The following ADD2 variants were observed in gnomAD, a reference collection of about 807,000 sequenced individuals.
ADD2 encodes the protein adducin 2.
ADD2 carries 23 observed loss-of-function variants against 83.0 expected under a neutral mutation model. The observed-to-expected ratio is 0.28, with a 90% CI of 0.20 to 0.39. ADD2 has a LOEUF of 0.39. Among genes scored for constraint, ADD2 ranks in the 10% least tolerant of loss-of-function variants. ADD2 has a pLI of 1.00. For synonymous variants in ADD2, 375 were observed against 375.4 expected (o/e 1.00, Z 0.01); for missense variants, 758 against 944.9 (o/e 0.80, Z 2.59).
intron 14 of ADD2, among the ~76,000 whole-genome samples, chr2:70,673,730 G>A (rs1670007082): frequency 6.6e-6 from 1 of 152,172 alleles, no homozygotes; most frequent in Middle Eastern, 3.2e-3. Flanking sequence ...CTGAGTATCT[G>A]AGATTTTTGG....
chr2:70,743,399 C>T (rs782683801), intron 1 of ADD2, among the ~76,000 whole-genome samples: 2 of 152,180 alleles, frequency 1.3e-5, no homozygotes, highest in Non-Finnish European at 2.9e-5. Context: ...CACCTCTGGT[C>T]GAAAGGAAAA....
At chr2:70,704,263 T>TTGGGGC in intron 4 of ADD2, 58 bp downstream of exon 4, 1 of 913,238 alleles carries the variant, frequency 1.1e-6, no homozygotes. Flanking sequence ...CTCCCTCTCT[T>TTGGGGC]CCCCACCCCA....
Position 70,706,361 on chromosome 2 carries a change from C to G in ADD2, c.48G>C (p.Gln16His). The change falls in exon 3 of 16, where the codon CAG becomes CAC. Residue 16 changes from glutamine (Q) to histidine (H), a missense_variant. Around this residue, in one of 5 missense-constraint regions of ADD2, gnomAD observed 175 missense variants for 192.1 expected, o/e 0.91. Transcript: ENST00000264436. The surrounding 1 kb of genome is among the most constrained non-coding windows in gnomAD (Gnocchi z 5.0). ...VPEAASPPPP[Q>H]GQPYFDRFSE... The stretch of plus-strand genomic sequence containing the variant: ...AGAAGCGGTCAAAGTAAGGCTGCCC[C>G]TGCGGGGGCGGCGGCGAGGCAGCCT... The G allele has an allele frequency of 2.5e-6, 4 of 1,612,544 alleles. No homozygotes were observed. The highest frequency in any genetic ancestry group is 3.4e-6 in the Non-Finnish European group (4 of 1,179,140).
chr2:70,766,556 T>C (rs1227494351), intron 1 of ADD2, among the ~76,000 whole-genome samples: 1 of 152,248 alleles, frequency 6.6e-6, no homozygotes, highest in Non-Finnish European at 1.5e-5. Flanking sequence ...AATGCTGACT[T>C]GCTATTTTTC....
At chr2:70,698,640 T>C (rs1574258875) in intron 4 of ADD2, among the ~76,000 whole-genome samples, 1 of 152,172 alleles carries the variant, frequency 6.6e-6, no homozygotes, top group African/African-American at 2.4e-5. Context: ...GATTTGATCA[T>C]TATATTATTA....
At chr2:70,665,502 C>T (rs904490960) in intron 15 of ADD2, among the ~76,000 whole-genome samples, 5 of 152,180 alleles carry the variant, frequency 3.3e-5, no homozygotes, top group African/African-American at 4.8e-5. Context: ...TCTTGAGTGC[C>T]ATAAACCAGG....
At chr2:70,762,176 A>G (rs1675146238) in intron 1 of ADD2, among the ~76,000 whole-genome samples, 2 of 152,062 alleles carry the variant, frequency 1.3e-5, no homozygotes, top group East Asian at 3.9e-4. Context: ...TTGAGTCACA[A>G]TTGGATTAAA....
intron 15 of ADD2, among the ~76,000 whole-genome samples, chr2:70,672,650 C>A (rs1279107919): frequency 6.6e-6 from 1 of 152,174 alleles, no homozygotes; most frequent in Non-Finnish European, 1.5e-5. Flanking sequence ...CGGGGGCCAG[C>A]CAGTAACTTA....
intron 1 of ADD2, chr2:70,760,519 A>G (rs1222657408): frequency 6.6e-6 from 1 of 152,254 alleles, no homozygotes; most frequent in Admixed American, 6.5e-5. Context: ...AATTTTTTAA[A>G]GTTTCAGAGA....
chr2:70,722,250 T>G (rs544983020), intron 1 of ADD2, among the ~76,000 whole-genome samples: 21 of 152,232 alleles, frequency 1.4e-4, no homozygotes, highest in Non-Finnish European at 2.6e-4. Context: ...GACTGTATTC[T>G]TCAATTCTAA....
chr2:70,756,340 T>C (rs1202693246), intron 1 of ADD2, among the ~76,000 whole-genome samples: 2 of 152,142 alleles, frequency 1.3e-5, no homozygotes, highest in Non-Finnish European at 2.9e-5. Flanking sequence ...AGCCCTACTA[T>C]GGTGGTGTTG....
intron 11 of ADD2, 151 bp from the exon 12 acceptor site, chr2:70,678,028 G>A (rs1670264837): frequency 3.8e-6 from 4 of 1,059,532 alleles, no homozygotes; most frequent in Admixed American, 4.9e-5. Flanking sequence ...CCTCTTTGAT[G>A]TCTGTCTCCA....
Position 70,690,790 on chromosome 2 carries a change from C to A in ADD2, c.845G>T (p.Cys282Phe), listed in dbSNP as rs533266713. 15 of 1,611,736 alleles carry A rather than the reference C, an allele frequency of 9.3e-6. No individual in the cohort carries two copies. The highest frequency in any genetic ancestry group is 5.3e-5 in the African/African-American group (4 of 74,958). The change falls in exon 8 of 16, where the codon TGC becomes TTC. Residue 282 changes from cysteine (C) to phenylalanine (F), a missense_variant. By Grantham distance (205) the Cys-to-Phe change is radical. This residue lies in a region of ADD2 where 394 missense variants were observed against 509.3 expected (regional missense o/e 0.77). Coordinates refer to ENST00000264436, the MANE Select transcript of ADD2 (RefSeq NM_001617.4). The part of the protein sequence containing the change: ...INLQKCLGPT[C>F]KILVLRNHGV... ...TCCCAGAAGAGCTAAGCTAACCTTG[C>A]AGGTGGGTCCAAGGCACTTCTGCAG... is the stretch of plus-strand genomic sequence containing the variant.
intron 4 of ADD2, among the ~76,000 whole-genome samples, chr2:70,697,437 G>A (rs1337680795): frequency 6.6e-6 from 1 of 152,174 alleles, no homozygotes; most frequent in Non-Finnish European, 1.5e-5. Flanking sequence ...AGTCTATCCC[G>A]TTAACCATGA....
intron 4 of ADD2, among the ~76,000 whole-genome samples, chr2:70,699,276 T>A (rs1671465014): frequency 6.6e-6 from 1 of 152,148 alleles, no homozygotes; most frequent in African/African-American, 2.4e-5. Flanking sequence ...GAGTACTCAC[T>A]GATTATGGGG....
intron 1 of ADD2, among the ~76,000 whole-genome samples, chr2:70,728,325 C>T (rs1008427927): frequency 3.3e-5 from 5 of 152,172 alleles, no homozygotes; most frequent in African/African-American, 9.7e-5. Flanking sequence ...GTGACAGAGT[C>T]GGGAAGGCCC....
intron 1 of ADD2, among the ~76,000 whole-genome samples, chr2:70,737,379 G>A (rs1673626911): frequency 6.6e-6 from 1 of 152,064 alleles, no homozygotes; most frequent in Admixed American, 6.5e-5. Context: ...TATACACAAT[G>A]GAATACTATG....
At chr2:70,734,207 T>A (rs149071895) in intron 1 of ADD2, among the ~76,000 whole-genome samples, 2 of 152,238 alleles carry the variant, frequency 1.3e-5, no homozygotes, top group African/African-American at 4.8e-5. Flanking sequence ...AATGAGTTTA[T>A]CTACATAGAA....
At chr2:70,744,364 CTTCA>C (rs1304719543) in intron 1 of ADD2, among the ~76,000 whole-genome samples, 2 of 152,180 alleles carry the variant, frequency 1.3e-5, no homozygotes, top group Admixed American at 1.3e-4. Flanking sequence ...GATATCTGCA[CTTCA>C]TTCAAACGGT....
Sources: gnomAD v4.1 joint callset for allele counts (sites outside exome capture counted in the v4.1 genomes callset) on GRCh38, gnomAD v4.1.1 for gene constraint, gnomAD v4.1.1 regional missense constraint, Gnocchi (gnomAD v3.1) non-coding constraint, MANE v1.5 for transcripts, NCBI Gene and HGNC (gene_info 2026-07-23, HGNC 2026-07-21) for gene names.